DPP10: variants seen among roughly 807,000 people sequenced by gnomAD.
DPP10 encodes the protein inactive dipeptidyl peptidase 10.
DPP10 carries 33 observed loss-of-function variants against 120.9 expected under a neutral mutation model. The observed-to-expected ratio is 0.27, with a 90% confidence interval of 0.21 to 0.37. DPP10 has a LOEUF of 0.37. Among genes scored for constraint, DPP10 ranks in the 10% least tolerant of loss-of-function variants. DPP10 has a pLI of 1.00. For missense variants in DPP10, 816 were observed against 942.8 expected (o/e 0.87, Z 1.76); for synonymous variants, 337 against 326.1 (o/e 1.03, Z -0.36).
intron 1 of DPP10, among the ~76,000 whole-genome samples, chr2:115,016,643 C>G (rs1235496819): frequency 6.6e-6 from 1 of 151,176 alleles, no homozygotes. Context: ...TCAAGGAACT[C>G]AAACAAATTT....
intron 1 of DPP10, among the ~76,000 whole-genome samples, chr2:114,627,563 T>C (rs929439625): frequency 6.6e-6 from 1 of 152,022 alleles, no homozygotes; most frequent in African/African-American, 2.4e-5. Context: ...ACATAATAAC[T>C]GCACAACAAT....
intron 1 of DPP10, among the ~76,000 whole-genome samples, chr2:114,821,196 G>A (rs960766106): frequency 7.2e-5 from 11 of 152,166 alleles, no homozygotes; most frequent in South Asian, 2.1e-4. Context: ...CACATAGCCC[G>A]TGAAAAAGCT....
chr2:114,490,359 T>G (rs924113262), intron 1 of DPP10, among the ~76,000 whole-genome samples: 2 of 152,176 alleles, frequency 1.3e-5, no homozygotes, highest in Non-Finnish European at 2.9e-5. Context: ...CCTACTTCCA[T>G]CAGCTATAGA....
intron 1 of DPP10, among the ~76,000 whole-genome samples, chr2:114,674,362 T>C (rs1360081170): frequency 2.0e-5 from 3 of 152,138 alleles, no homozygotes; most frequent in Non-Finnish European, 4.4e-5. Flanking sequence ...TTTTGTTTAC[T>C]TCATCTAACC....
chr2:114,709,386 C>T (rs1700883523), intron 1 of DPP10, among the ~76,000 whole-genome samples: 1 of 152,190 alleles, frequency 6.6e-6, no homozygotes, highest in Middle Eastern at 3.2e-3. Flanking sequence ...TTCCCTGACT[C>T]ATTTTTGGCT....
chr2:115,082,534 C>A (rs1708358634), intron 1 of DPP10, among the ~76,000 whole-genome samples: 1 of 152,178 alleles, frequency 6.6e-6, no homozygotes, highest in Admixed American at 6.5e-5. Flanking sequence ...TCATTCTGGA[C>A]TGCTTTGCAT....
chr2:115,159,868 A>G (rs532829733), intron 1 of DPP10, among the ~76,000 whole-genome samples: 4 of 152,228 alleles, frequency 2.6e-5, no homozygotes, highest in Non-Finnish European at 4.4e-5. Context: ...GTAATCTTAT[A>G]TAAAAGGATA....
chr2:114,688,332 A>G (rs1699505207), intron 1 of DPP10, among the ~76,000 whole-genome samples: 1 of 151,988 alleles, frequency 6.6e-6, no homozygotes. Flanking sequence ...ATTCTGTAAA[A>G]GTAGAGTAAT....
At chr2:115,120,761 C>A (rs1254937952) in intron 1 of DPP10, among the ~76,000 whole-genome samples, 3 of 152,140 alleles carry the variant, frequency 2.0e-5, no homozygotes, top group African/African-American at 7.2e-5. Flanking sequence ...TTTGACTTGT[C>A]CTAAACATCC....
chr2:115,604,327 G>A (rs1029642336), intron 5 of DPP10, among the ~76,000 whole-genome samples: 4 of 152,110 alleles, frequency 2.6e-5, no homozygotes, highest in African/African-American at 9.7e-5. Context: ...TGAGTCCTCA[G>A]TCTTATAACA....
chr2:115,255,940 A>G (rs1351975992), intron 1 of DPP10, among the ~76,000 whole-genome samples: 5 of 152,152 alleles, frequency 3.3e-5, no homozygotes. Flanking sequence ...TGTGCCCTCC[A>G]AACCGTTTTG....
chr2:114,497,480 G>T (rs1306784825), intron 1 of DPP10, among the ~76,000 whole-genome samples: 3 of 140,196 alleles, frequency 2.1e-5, no homozygotes, highest in African/African-American at 9.5e-5. Flanking sequence ...CTAAGAATAG[G>T]GTCAGTGGTG....
At chr2:115,462,712 T>A (rs1189213974) in intron 3 of DPP10, among the ~76,000 whole-genome samples, 1 of 152,182 alleles carries the variant, frequency 6.6e-6, no homozygotes. Context: ...ATTTTCCCTT[T>A]GCTCTGATGT....
chr2:114,799,347 A>G (rs554380079), intron 1 of DPP10, among the ~76,000 whole-genome samples: 1 of 152,280 alleles, frequency 6.6e-6, no homozygotes, highest in Admixed American at 6.5e-5. Context: ...AGAAAACAGA[A>G]TTAGTAGGGC....
chr2:115,206,709 A>G (rs971021530), intron 1 of DPP10, among the ~76,000 whole-genome samples: 3 of 152,118 alleles, frequency 2.0e-5, no homozygotes, highest in Non-Finnish European at 4.4e-5. Context: ...TTATTATTCC[A>G]TTTAGCTTGG....
intron 1 of DPP10, among the ~76,000 whole-genome samples, chr2:114,709,750 A>G (rs902508260): frequency 1.1e-4 from 17 of 152,194 alleles, no homozygotes; most frequent in Admixed American, 6.5e-4. Flanking sequence ...AGATCGATCT[A>G]TATGATGGGA....
At chr2:115,041,810 T>A (rs566357724) in intron 1 of DPP10, among the ~76,000 whole-genome samples, 1 of 152,172 alleles carries the variant, frequency 6.6e-6, no homozygotes, top group South Asian at 2.1e-4. Context: ...GAATTTGGTA[T>A]GACTTTGAGT....
intron 1 of DPP10, among the ~76,000 whole-genome samples, chr2:115,126,038 C>A (rs150842579): frequency 6.6e-6 from 1 of 152,050 alleles, no homozygotes; most frequent in Admixed American, 6.5e-5. Context: ...ATTTTGAATA[C>A]CTTTATCTTA....
chr2:115,234,457 T>C (rs1356253236), intron 1 of DPP10: 2 of 153,036 alleles, frequency 1.3e-5, no homozygotes, highest in Non-Finnish European at 2.9e-5. Flanking sequence ...TCTTCCCTTG[T>C]ACAAAGGATT....
Sources: gnomAD v4.1 joint callset for allele counts (sites outside exome capture counted in the v4.1 genomes callset) on GRCh38, gnomAD v4.1.1 for gene constraint, MANE v1.5 for transcripts, NCBI Gene and HGNC (gene_info 2026-07-23, HGNC 2026-07-21) for gene names.